WNT11: variants seen among roughly 807,000 people sequenced by gnomAD.
The protein encoded by WNT11 is protein Wnt-11.
In WNT11, 20 loss-of-function variants were observed where a neutral mutation model predicts 35.6. The observed-to-expected ratio is 0.56, with a 90% CI of 0.40 to 0.82. WNT11 has a LOEUF of 0.82. WNT11 is among the 40% of genes least tolerant of loss of function. The pLI is 0.00. For missense variants in WNT11, 459 were observed against 504.4 expected (o/e 0.91, Z 0.86); for synonymous variants, 200 against 211.9 (o/e 0.94, Z 0.49).
At chr11:76,207,160 G>A (rs539923958), upstream of WNT11, among the ~76,000 whole-genome samples, 17 of 152,270 alleles carry the variant, frequency 1.1e-4, no homozygotes, top group Non-Finnish European at 1.9e-4. Context: ...TCAGGAGCTC[G>A]AGACCAGCCT....
At chr11:76,204,626 C>T (rs1371190487) in intron 1 of WNT11, among the ~76,000 whole-genome samples, 2 of 152,210 alleles carry the variant, frequency 1.3e-5, no homozygotes, top group Non-Finnish European at 2.9e-5. Flanking sequence ...TGTCCATCTC[C>T]CCCAAGAGCC....
At position 76,194,318 on chromosome 11, in the gene WNT11, T is replaced by TCCTA. The variant is rs1398825862; in HGVS notation, c.597+245_597+248dup. Among the ~76,000 whole-genome samples the TCCTA allele has an allele frequency of 6.6e-6, 1 of 151,878 alleles. No homozygotes were observed. Among genetic ancestry groups the TCCTA allele is most frequent in the Non-Finnish European group, 1.5e-5 (1 of 67,990 alleles). ...AAGGCCAGAACTCAGAGCTCCTGAC[T>TCCTA]CCTAGTTCAGTGCTCCCTCTGCTTG... On this transcript the variant is annotated intron_variant, in intron 3 of 4. Transcript: ENST00000322563. The surrounding 1 kb of genome is among the most constrained non-coding windows in gnomAD (Gnocchi z 5.4).
In WNT11 at chr11:76,205,101, T is replaced by C. The variant is rs749091214; in HGVS notation, c.83+1224A>G. Among the ~76,000 whole-genome samples the C allele has an allele frequency of 1.0e-3, 158 of 152,172 alleles. 4 individuals are homozygous for C. The highest frequency in any genetic ancestry group is 3.7e-4 in the Non-Finnish European group (25 of 68,022). On this transcript the variant is annotated intron_variant, in intron 1 of 4. Coordinates refer to ENST00000322563, the MANE Select transcript of WNT11 (RefSeq NM_004626.3). ...CTAGTGCCCAGGGCTGGGAGATTGC[T>C]GAGACCAGGCTTCTTGTAAACAAGA...
rs909138874 is a variant in WNT11 at position 76,187,342 on chromosome 11, C to A, written c.891-103G>T. The A allele has an allele frequency of 1.8e-5, 20 of 1,102,808 alleles. No homozygotes were observed. The Admixed American group carries it at 3.0e-4, about 16-fold the overall frequency. 68.3% of individuals were successfully genotyped at this position (1,102,808 alleles called of 1,614,324 possible). Reference sequence around the variant, plus strand: ...AGCCGGCAGCGTCTCCCATGGCCACCGACTCAGCCCTTCTTAGAAGCTGTC... The same window carrying A: ...AGCCGGCAGCGTCTCCCATGGCCACAGACTCAGCCCTTCTTAGAAGCTGTC... On this transcript the variant is annotated intron_variant, in intron 4 of 4. Coordinates refer to ENST00000322563, the MANE Select transcript of WNT11 (RefSeq NM_004626.3).
In WNT11 at chr11:76,194,822, C is replaced by T. The variant is rs1953252727; in HGVS notation, c.342G>A (p.Val114=). The change falls in exon 3 of 5, where the codon GTG becomes GTA. Residue 114 remains valine (V), a synonymous_variant. Coordinates refer to ENST00000322563, the MANE Select transcript of WNT11 (RefSeq NM_004626.3). This position sits in a 1 kb window ranked among gnomAD's most constrained non-coding sequence, Gnocchi z 5.4. ...TGATGGCGGCGGCCGACAGCGCATA[C>T]ACGAAGGCCGACTCCCGGGTCCCTG... ...LERGTRESAF[V]YALSAAAISH... 15 of 1,529,546 alleles carry T rather than the reference C, an allele frequency of 9.8e-6. No homozygotes were observed. Among genetic ancestry groups the T allele is most frequent in the African/African-American group, 1.4e-5 (1 of 72,800 alleles). The allele number at this position is 1,529,546 out of a possible 1,614,324, so 94.7% of individuals were successfully genotyped here. A position where few individuals can be genotyped will look rare whatever the true frequency, so the allele number is the denominator to read the frequency against.
rs1360495524 is a variant in WNT11 at position 76,186,790 on chromosome 11, G to A, written c.*275C>T. 5.3e-6 allele frequency: 3 copies of A among 564,560 alleles called. No individual in the cohort carries two copies. Among genetic ancestry groups the A allele is most frequent in the Non-Finnish European group, 1.0e-5 (3 of 298,010 alleles). 35.0% of individuals were successfully genotyped at this position (564,560 alleles called of 1,614,324 possible). A position where few individuals can be genotyped will look rare whatever the true frequency, so the allele number is the denominator to read the frequency against. On this transcript the variant is annotated 3_prime_UTR_variant, in exon 5 of 5. Transcript: ENST00000322563. ...ATCAGTCTCACCGATCCCAAGCCCC[G>A]CTCCTTACACCAGCCTGTGGGCACT...
rs1190518943 is a variant in WNT11 at position 76,194,821 on chromosome 11, A to T, written c.343T>A (p.Tyr115Asn). The T allele has an allele frequency of 2.0e-6, 3 of 1,531,074 alleles. No individual in the cohort carries two copies. The highest frequency in any genetic ancestry group is 2.6e-6 in the Non-Finnish European group (3 of 1,145,496). The allele number at this position is 1,531,074 out of a possible 1,614,324, so 94.8% of individuals were successfully genotyped here. ...ERGTRESAFV[Y>N]ALSAAAISHA... ...CTGATGGCGGCGGCCGACAGCGCAT[A>T]CACGAAGGCCGACTCCCGGGTCCCT... Residue 115 changes from tyrosine to asparagine, a missense_variant, in exon 3 of 5, where the codon TAT (tyrosine) becomes AAT (asparagine). Transcript: ENST00000322563. This position sits in a 1 kb window ranked among gnomAD's most constrained non-coding sequence, Gnocchi z 5.4.
intron 1 of WNT11, among the ~76,000 whole-genome samples, chr11:76,205,010 G>T (rs963359703): frequency 6.6e-6 from 1 of 152,126 alleles, no homozygotes; most frequent in African/African-American, 2.4e-5. Context: ...AACAGTGCTG[G>T]GTACCCCATT....
intron 4 of WNT11, among the ~76,000 whole-genome samples, chr11:76,189,542 C>T (rs556400221): frequency 1.3e-5 from 2 of 152,296 alleles, no homozygotes; most frequent in East Asian, 1.9e-4. Context: ...AGGCATCTTC[C>T]GCAGAGAGGG....
rs943833750 is a variant in WNT11 at position 76,195,919 on chromosome 11, G to A, written c.319+564C>T. On this transcript the variant is annotated intron_variant, in intron 2 of 4. Coordinates refer to ENST00000322563, the MANE Select transcript of WNT11 (RefSeq NM_004626.3). ...GGGGAGAGATTACACCTACTGGGGC[G>A]CTTCTGTCTGTCAAAAGCCTCCCTA... Among the ~76,000 whole-genome samples the A allele has an allele frequency of 3.3e-5, 5 of 152,168 alleles. No homozygotes were observed. In the East Asian group the frequency reaches 5.8e-4, roughly 18 times the overall value.
intron 4 of WNT11, chr11:76,190,940 TC>T (rs1460836043): frequency 6.6e-6 from 1 of 152,522 alleles, no homozygotes; most frequent in Non-Finnish European, 1.5e-5. Flanking sequence ...TCCCTCACTC[TC>T]CTGTCCTGAG....
Position 76,191,634 on chromosome 11 carries a change from C to T in WNT11, c.820G>A (p.Val274Ile), listed in dbSNP as rs780236055. The change falls in exon 4 of 5, where the codon GTC becomes ATC. Residue 274 changes from valine (V) to isoleucine (I), a missense_variant. Val to Ile is a conservative substitution (Grantham distance 29, BLOSUM62 3). Transcript: ENST00000322563. ...DIRPVKDSEL[V>I]YLQSSPDFCM... ...AAGTCAGGTGAGCTCTGCAGATAGA[C>T]GAGTTCCGAGTCCTTCACAGGCCGG... The T allele has an allele frequency of 5.9e-5, 96 of 1,614,040 alleles. No individual in the cohort carries two copies. Among genetic ancestry groups the T allele is most frequent in the Admixed American group, 2.0e-4 (12 of 60,032 alleles).
In WNT11 at chr11:76,186,790, G is replaced by T. The variant is rs1360495524; in HGVS notation, c.*275C>A. On this transcript the variant is annotated 3_prime_UTR_variant, in exon 5 of 5. Coordinates refer to ENST00000322563, the MANE Select transcript of WNT11 (RefSeq NM_004626.3). ...ATCAGTCTCACCGATCCCAAGCCCC[G>T]CTCCTTACACCAGCCTGTGGGCACT... 1.8e-6 allele frequency: 1 copy of T among 564,564 alleles called. No homozygotes were observed. Among genetic ancestry groups the T allele is most frequent in the South Asian group, 1.5e-5 (1 of 65,196 alleles). 35.0% of individuals were successfully genotyped at this position (564,564 alleles called of 1,614,324 possible). A position where few individuals can be genotyped will look rare whatever the true frequency, so the allele number is the denominator to read the frequency against.
chr11:76,199,605 C>T (rs918964803), intron 1 of WNT11, among the ~76,000 whole-genome samples: 11 of 152,044 alleles, frequency 7.2e-5, no homozygotes, highest in African/African-American at 1.9e-4. Context: ...AAGATCAAGA[C>T]CATTCTGGCC....
At chr11:76,197,609 G>A (rs1433053706) in intron 1 of WNT11, among the ~76,000 whole-genome samples, 1 of 152,142 alleles carries the variant, frequency 6.6e-6, no homozygotes, top group Non-Finnish European at 1.5e-5. Context: ...AACTCAGGGA[G>A]TCTATTGAGT....
chr11:76,191,228 T>C (rs943954246), intron 4 of WNT11, among the ~76,000 whole-genome samples: 5 of 152,324 alleles, frequency 3.3e-5, no homozygotes, highest in Middle Eastern at 6.8e-3. Context: ...CTATCTTACG[T>C]TGGGCAGCCT....
At chr11:76,188,043 T>C (rs1216844747) in intron 4 of WNT11, among the ~76,000 whole-genome samples, 1 of 152,264 alleles carries the variant, frequency 6.6e-6, no homozygotes, top group Non-Finnish European at 1.5e-5. Flanking sequence ...ATATTTAATC[T>C]TTAATTAAAT....
rs1429868889 is a variant in WNT11 at position 76,189,229 on chromosome 11, G to A, written c.891-1990C>T. Among the ~76,000 whole-genome samples, 7 of 152,348 alleles carry A rather than the reference G, an allele frequency of 4.6e-5. No individual in the cohort carries two copies. In the East Asian group the frequency reaches 1.3e-3, roughly 29 times the overall value. On this transcript the variant is annotated intron_variant, in intron 4 of 4. Coordinates refer to ENST00000322563, the MANE Select transcript of WNT11 (RefSeq NM_004626.3). ...GCACTCTACCCTGAAGGGTAGGAAG[G>A]AGGCAGAGTTCTTTTTTAAATTTCT... is the stretch of plus-strand genomic sequence containing the variant.
rs1953190730 is a variant in WNT11, at chr11:76,191,865, A to G, written c.598-9T>C. 1 of 1,590,094 alleles carries G rather than the reference A, an allele frequency of 6.3e-7. No individual in the cohort carries two copies. Among genetic ancestry groups the G allele is most frequent in the Non-Finnish European group, 8.5e-7 (1 of 1,172,436 alleles). On this transcript the variant is annotated splice_polypyrimidine_tract_variant and intron_variant, in intron 3 of 4. Coordinates refer to ENST00000322563, the MANE Select transcript of WNT11 (RefSeq NM_004626.3). ...AGAGAGGCGCGCAGAGCCTGCGGAC[A>G]GGGGAAGGCGTCAGCTGGGTGGCCA...
Sources: gnomAD v4.1 joint callset for allele counts (sites outside exome capture counted in the v4.1 genomes callset) on GRCh38, gnomAD v4.1.1 for gene constraint, Gnocchi (gnomAD v3.1) non-coding constraint, MANE v1.5 for transcripts, NCBI Gene and HGNC (gene_info 2026-07-23, HGNC 2026-07-21) for gene names.